The following SLC20A2 variants were observed in gnomAD, a reference collection of about 807,000 sequenced individuals.
SLC20A2 encodes the protein sodium-dependent phosphate transporter 2.
SLC20A2 carries 30 observed loss-of-function variants against 61.0 expected under a neutral mutation model. The observed-to-expected ratio is 0.49, with a 90% CI of 0.37 to 0.67. The LOEUF (loss-of-function observed/expected upper bound fraction) is 0.67. Among genes scored for constraint, SLC20A2 ranks in the 30% least tolerant of loss-of-function variants. The pLI, the probability that SLC20A2 is intolerant of heterozygous loss-of-function variation, is 0.00. For synonymous variants in SLC20A2, 351 were observed against 353.3 expected (o/e 0.99, Z 0.07); for missense variants, 626 against 866.4 (o/e 0.72, Z 3.48).
intron 5 of SLC20A2, among the ~76,000 whole-genome samples, chr8:42,448,555 A>G (rs1275198121): frequency 6.6e-6 from 1 of 152,104 alleles, no homozygotes; most frequent in Admixed American, 6.5e-5. Context: ...ACTTAAGATA[A>G]TATCACCTGC....
chr8:42,514,290 T>C (rs1489075461), intron 1 of SLC20A2, among the ~76,000 whole-genome samples: 3 of 152,038 alleles, frequency 2.0e-5, no homozygotes. Context: ...AGGATAGCAA[T>C]AGAAAAACAT....
intron 1 of SLC20A2, among the ~76,000 whole-genome samples, chr8:42,531,742 T>C (rs189248893): frequency 3.9e-5 from 6 of 151,928 alleles, no homozygotes; most frequent in Middle Eastern, 3.4e-3. Flanking sequence ...AATTACAAAA[T>C]GACACAGGTT....
chr8:42,538,504 C>T (rs1812852416), intron 1 of SLC20A2, among the ~76,000 whole-genome samples: 1 of 151,040 alleles, frequency 6.6e-6, no homozygotes, highest in Admixed American at 6.6e-5. Flanking sequence ...TGGAGTGGCC[C>T]TGCACCTAAA....
At chr8:42,443,550 G>A (rs369679274) in intron 6 of SLC20A2, among the ~76,000 whole-genome samples, 11 of 151,704 alleles carry the variant, frequency 7.3e-5, no homozygotes, top group African/African-American at 2.7e-4. Flanking sequence ...CCTGACCAAC[G>A]AACTCCTGAC....
chr8:42,476,943 C>T (rs1808159765), intron 1 of SLC20A2, among the ~76,000 whole-genome samples: 1 of 152,214 alleles, frequency 6.6e-6, no homozygotes, highest in Non-Finnish European at 1.5e-5. Context: ...CTCACCTGAA[C>T]CGTGGGGACT....
intron 1 of SLC20A2, among the ~76,000 whole-genome samples, chr8:42,506,881 G>T (rs1293509492): frequency 6.6e-6 from 1 of 152,210 alleles, no homozygotes; most frequent in Non-Finnish European, 1.5e-5. Context: ...CAAACATAAT[G>T]CTGGGCCCTG....
intron 5 of SLC20A2, among the ~76,000 whole-genome samples, chr8:42,446,610 G>A (rs2131064933): frequency 6.6e-6 from 1 of 152,312 alleles, no homozygotes; most frequent in African/African-American, 2.4e-5. Flanking sequence ...ATGCAGGCTA[G>A]TTGTATGATA....
At chr8:42,475,419 G>A (rs911472323) in intron 1 of SLC20A2, among the ~76,000 whole-genome samples, 8 of 151,248 alleles carry the variant, frequency 5.3e-5, no homozygotes, top group Non-Finnish European at 1.2e-4. Flanking sequence ...GAATTTTTCT[G>A]TTGTCTTTGA....
At chr8:42,470,485 G>A (rs1414860864) in intron 2 of SLC20A2, among the ~76,000 whole-genome samples, 1 of 152,054 alleles carries the variant, frequency 6.6e-6, no homozygotes, top group Non-Finnish European at 1.5e-5. Flanking sequence ...GCCTCCCAAA[G>A]TTGAACCTGA....
chr8:42,471,299 C>CCA (rs1310804581), intron 2 of SLC20A2: 2 of 448,094 alleles, frequency 4.5e-6, no homozygotes, highest in Admixed American at 2.4e-5. Context: ...ATGGGAAGAC[C>CCA]CACGGGGCCG....
Position 42,437,299 on chromosome 8 carries a change from C to T in SLC20A2, c.1213G>A (p.Ala405Thr). ...GLPVHATFRA[A>T]DSSAPEDSEK... ...CTGTCCTCTGGGGCCGATGAGTCCG[C>T]AGCTCGAAAGGTGGCGTGCACTGGC... Residue 405 changes from alanine to threonine, a missense_variant, in exon 8 of 11, where the codon GCG (alanine) becomes ACG (threonine). This residue lies in a region of SLC20A2 where 361 missense variants were observed against 422.3 expected (regional missense o/e 0.85). Transcript: ENST00000520262. The surrounding 1 kb of genome is among the most constrained non-coding windows in gnomAD (Gnocchi z 6.4). 1 of 1,614,190 alleles carries T rather than the reference C, an allele frequency of 6.2e-7. No individual in the cohort carries two copies. The highest frequency in any genetic ancestry group is 1.1e-5 in the South Asian group (1 of 91,088).
At chr8:42,454,544 C>A (rs138381910) in intron 5 of SLC20A2, among the ~76,000 whole-genome samples, 2 of 152,014 alleles carry the variant, frequency 1.3e-5, no homozygotes, top group African/African-American at 2.4e-5. Flanking sequence ...ACTACAGAAC[C>A]TAACGCTAAC....
intron 5 of SLC20A2, among the ~76,000 whole-genome samples, chr8:42,448,615 G>T (rs940912276): frequency 1.3e-5 from 2 of 152,152 alleles, no homozygotes; most frequent in Non-Finnish European, 2.9e-5. Flanking sequence ...TGTGGCCTGG[G>T]ATACAGCCAG....
chr8:42,498,938 A>G (rs554719841), intron 1 of SLC20A2, among the ~76,000 whole-genome samples: 1 of 152,096 alleles, frequency 6.6e-6, no homozygotes, highest in South Asian at 2.1e-4. Context: ...TCCCTGAGAA[A>G]CCCCTCAAAG....
chr8:42,461,392 C>T (rs1417995023), intron 4 of SLC20A2, among the ~76,000 whole-genome samples: 2 of 152,032 alleles, frequency 1.3e-5, no homozygotes, highest in African/African-American at 4.8e-5. Flanking sequence ...CCAATAACTT[C>T]TGCAGGTGGA....
Position 42,509,740 on chromosome 8 carries a change from C to T in SLC20A2, c.-265+32081G>A, listed in dbSNP as rs577756650. On this transcript the variant is annotated intron_variant, in intron 1 of 10. Coordinates refer to the SLC20A2 transcript ENST00000342228. The stretch of plus-strand genomic sequence containing the variant: ...ATGCATTCCAGCCCGGGCAACAGAG[C>T]GAGAACTTGTCTCAACAAAACAAAA... Among the ~76,000 whole-genome samples, 6 of 151,958 alleles carry T rather than the reference C, an allele frequency of 3.9e-5. No individual in the cohort carries two copies. In the East Asian group the frequency reaches 5.8e-4, roughly 15 times the overall value.
At chr8:42,508,529 T>A (rs1647604518) in intron 1 of SLC20A2, among the ~76,000 whole-genome samples, 1 of 152,138 alleles carries the variant, frequency 6.6e-6, no homozygotes, top group African/African-American at 2.4e-5. Context: ...TAGCTGGGAT[T>A]ACAGGCACCT....
At chr8:42,536,949 C>T (rs1237576891) in intron 1 of SLC20A2, among the ~76,000 whole-genome samples, 1 of 152,022 alleles carries the variant, frequency 6.6e-6, no homozygotes, top group Non-Finnish European at 1.5e-5. Flanking sequence ...GTGGCAAGCA[C>T]CTGTAATCAC....
At chr8:42,511,543 C>T (rs950098321) in intron 1 of SLC20A2, among the ~76,000 whole-genome samples, 2 of 151,880 alleles carry the variant, frequency 1.3e-5, no homozygotes, top group African/African-American at 4.8e-5. Flanking sequence ...AGGAGAATCG[C>T]TTGAACCTGG....
Sources: allele counts gnomAD v4.1 joint callset (sites outside exome capture counted in the v4.1 genomes callset), GRCh38; gene constraint gnomAD v4.1.1; regional missense constraint gnomAD v4.1.1; non-coding constraint Gnocchi (gnomAD v3.1); transcripts MANE v1.5; gene names NCBI Gene and HGNC (gene_info 2026-07-23, HGNC 2026-07-21).